TRAK2: variants seen among roughly 807,000 people sequenced by gnomAD.
TRAK2 encodes trafficking kinesin-binding protein 2.
Under a neutral mutation model 104.6 loss-of-function variants are expected in TRAK2, and 81 were observed. The observed-to-expected ratio is 0.77, with a 90% confidence interval of 0.65 to 0.93. The LOEUF is 0.93. Among genes scored for constraint, TRAK2 ranks in the 40% least tolerant of loss-of-function variants. The pLI, the probability that TRAK2 is intolerant of heterozygous loss-of-function variation, is 0.00. For synonymous variants in TRAK2, 406 were observed against 394.4 expected (o/e 1.03, Z -0.35); for missense variants, 1,002 against 1,089.0 (o/e 0.92, Z 1.12).
At chr2:201,434,819 A>C (rs1244346759) in intron 1 of TRAK2, among the ~76,000 whole-genome samples, 2 of 152,214 alleles carry the variant, frequency 1.3e-5, no homozygotes, top group African/African-American at 2.4e-5. Context: ...ATATTTATAC[A>C]TCCCTAGTTT....
Position 201,381,071 on chromosome 2 carries a change from C to T in TRAK2, c.2217G>A (p.Met739Ile). ...GCTCTTGTAGAAGTTTGGCCAAGCT[C>T]ATGGTGCTACTGAAGGTTGTAGTGG... ...RDSTTTFSST[M>I]SLAKLLQERG... Residue 739 changes from methionine (M) to isoleucine (I), a missense_variant, in exon 16 of 16, where the codon ATG (methionine) becomes ATA (isoleucine). By Grantham distance (10) the Met-to-Ile change is conservative (BLOSUM62 1). Coordinates refer to ENST00000332624, the MANE Select transcript of TRAK2 (RefSeq NM_015049.3). 1 of 1,614,058 alleles carries T rather than the reference C, an allele frequency of 6.2e-7. No homozygotes were observed. The highest frequency in any genetic ancestry group is 8.5e-7 in the Non-Finnish European group (1 of 1,179,974).
chr2:201,392,781 G>A, intron 10 of TRAK2, 128 bp downstream of exon 10: 1 of 855,158 alleles, frequency 1.2e-6, no homozygotes, highest in Non-Finnish European at 1.7e-6. Flanking sequence ...ATCAATAATT[G>A]GAGTCCAGAA....
In TRAK2 at chr2:201,389,716, T is replaced by C. The variant is rs148022960; in HGVS notation, c.1193+85A>G. The stretch of plus-strand genomic sequence containing the variant: ...ATAGTAAGCAAATTACTACTGAATC[T>C]CGTAATACTTGCCACTTTGGATTGT... On this transcript the variant is annotated intron_variant, in intron 11 of 15. Coordinates refer to ENST00000332624, the MANE Select transcript of TRAK2 (RefSeq NM_015049.3). The C allele has an allele frequency of 5.7e-4, 731 of 1,277,732 alleles. 4 individuals are homozygous for C. The African/African-American group carries it at 8.9e-3, about 16-fold the overall frequency. The allele number at this position is 1,277,732 out of a possible 1,614,324, so 79.1% of individuals were successfully genotyped here. A position where few individuals can be genotyped will look rare whatever the true frequency, so the allele number is the denominator to read the frequency against.
chr2:201,448,436 A>G (rs1278179495), intron 1 of TRAK2, among the ~76,000 whole-genome samples: 1 of 152,262 alleles, frequency 6.6e-6, no homozygotes, highest in Admixed American at 6.5e-5. Context: ...ATAGTATTAC[A>G]TAAATGTTTC....
At chr2:201,382,057 CTGGGT>C (rs1951350025) in intron 15 of TRAK2, among the ~76,000 whole-genome samples, 1 of 152,208 alleles carries the variant, frequency 6.6e-6, no homozygotes, top group Non-Finnish European at 1.5e-5. Flanking sequence ...ATAGCCCCAG[CTGGGT>C]TATTAGTTGT....
intron 1 of TRAK2, among the ~76,000 whole-genome samples, chr2:201,438,890 C>T (rs1280413681): frequency 6.6e-6 from 1 of 152,106 alleles, no homozygotes; most frequent in African/African-American, 2.4e-5. Context: ...GAGACAACTC[C>T]AAATCTGACT....
At chr2:201,401,482 T>C (rs1199506342) in intron 3 of TRAK2, among the ~76,000 whole-genome samples, 1 of 152,044 alleles carries the variant, frequency 6.6e-6, no homozygotes, top group Admixed American at 6.6e-5. Flanking sequence ...GGGGTATCAG[T>C]GAGGGGTTAT....
In TRAK2 at chr2:201,389,508, C is replaced by CA; in HGVS notation, c.1194-6dup. 6.2e-7 allele frequency: 1 copy of CA among 1,612,466 alleles called. No individual in the cohort carries two copies. Among genetic ancestry groups the CA allele is most frequent in the South Asian group, 1.1e-5 (1 of 90,936 alleles). On this transcript the variant is annotated splice_region_variant and splice_polypyrimidine_tract_variant and intron_variant, in intron 11 of 15. Transcript: ENST00000332624. ...AATACCCGCTTCTGTTGGGCTCTGTCAAAAAAGGAAGTGTTCGTTATTATC... is the reference window on the plus strand; with the variant it reads ...AATACCCGCTTCTGTTGGGCTCTGTCAAAAAAAGGAAGTGTTCGTTATTATC...
chr2:201,408,602 G>C (rs577894098), intron 2 of TRAK2, among the ~76,000 whole-genome samples: 1 of 152,292 alleles, frequency 6.6e-6, no homozygotes, highest in African/African-American at 2.4e-5. Flanking sequence ...TTTAAAAGAG[G>C]TCTGTGTCTC....
intron 2 of TRAK2, among the ~76,000 whole-genome samples, chr2:201,410,344 G>A (rs1168696107): frequency 6.6e-6 from 1 of 151,356 alleles, no homozygotes; most frequent in Admixed American, 6.6e-5. Context: ...GAGTTGGTAA[G>A]AGGAAAAAAA....
intron 1 of TRAK2, among the ~76,000 whole-genome samples, chr2:201,445,684 C>T (rs1341577789): frequency 6.6e-6 from 1 of 152,110 alleles, no homozygotes; most frequent in Non-Finnish European, 1.5e-5. Context: ...ATGATAATAT[C>T]CAACAGCAAG....
chr2:201,446,685 A>G (rs942207371), intron 1 of TRAK2, among the ~76,000 whole-genome samples: 3 of 152,230 alleles, frequency 2.0e-5, no homozygotes, highest in Non-Finnish European at 4.4e-5. Flanking sequence ...TGGACAAGCT[A>G]CTTAATCTCT....
At chr2:201,428,877 C>T (rs1231460760) in intron 1 of TRAK2, among the ~76,000 whole-genome samples, 1 of 152,158 alleles carries the variant, frequency 6.6e-6, no homozygotes, top group Non-Finnish European at 1.5e-5. Flanking sequence ...TTGAAGAGGT[C>T]CTTCACATCC....
chr2:201,393,862 C>T (rs115109934), intron 9 of TRAK2, among the ~76,000 whole-genome samples: 247 of 152,276 alleles, frequency 1.6e-3, no homozygotes, highest in African/African-American at 5.6e-3. Context: ...ATCCTTCTAC[C>T]TCAGCCTCTC....
intron 1 of TRAK2, among the ~76,000 whole-genome samples, chr2:201,434,636 A>G (rs1951868654): frequency 6.6e-6 from 1 of 152,164 alleles, no homozygotes; most frequent in African/African-American, 2.4e-5. Context: ...ATATTTTTGG[A>G]TTATAGAATA....
chr2:201,426,149 GT>G (rs1951786394), intron 1 of TRAK2, among the ~76,000 whole-genome samples: 1 of 152,240 alleles, frequency 6.6e-6, no homozygotes, highest in African/African-American at 2.4e-5. Context: ...AGGTGGGTAA[GT>G]GAAGCTTCAT....
chr2:201,388,829 G>C (rs1049485948), intron 12 of TRAK2, among the ~76,000 whole-genome samples: 5 of 152,142 alleles, frequency 3.3e-5, no homozygotes, highest in Non-Finnish European at 7.3e-5. Context: ...TTTTATGTTA[G>C]GAAACATTTC....
In TRAK2 at chr2:201,420,430, C is replaced by T. The variant is rs199929075; in HGVS notation, c.78G>A (p.Ser26=). ...AACTGGACTTACCAGTGATGCTCTC[C>T]GAGTCTCTGTGATTGCTATTCATGA... ...ENLMNSNHRD[S]ESITDVCSNE... The change falls in exon 2 of 16, where the codon TCG becomes TCA. Residue 26 remains serine, a synonymous_variant. Coordinates refer to ENST00000332624, the MANE Select transcript of TRAK2 (RefSeq NM_015049.3). 2.2e-5 allele frequency: 35 copies of T among 1,613,788 alleles called. No individual in the cohort carries two copies. The highest frequency in any genetic ancestry group is 1.7e-4 in the Admixed American group (10 of 60,016).
intron 2 of TRAK2, among the ~76,000 whole-genome samples, chr2:201,414,440 G>C (rs1038173814): frequency 1.3e-5 from 2 of 152,172 alleles, no homozygotes; most frequent in Non-Finnish European, 2.9e-5. Context: ...GAACAACAAA[G>C]TACTGGTTAA....
Sources: allele counts gnomAD v4.1 joint callset (sites outside exome capture counted in the v4.1 genomes callset), GRCh38; gene constraint gnomAD v4.1.1; transcripts MANE v1.5; gene names NCBI Gene and HGNC (gene_info 2026-07-23, HGNC 2026-07-21).